The following TRPM3 variants were observed in gnomAD, a reference collection of about 807,000 sequenced individuals.
TRPM3 encodes long transient receptor potential channel 3.
A neutral mutation model predicts 181.2 loss-of-function variants in TRPM3; 77 were observed. The ratio of observed to expected loss-of-function variants is 0.42; its 90% CI spans 0.35 to 0.51. The LOEUF (loss-of-function observed/expected upper bound fraction) is 0.51, where lower values mean the gene tolerates loss of function less well. Among genes scored for constraint, TRPM3 ranks in the 20% least tolerant of loss-of-function variants. The pLI is 0.01. For synonymous variants in TRPM3, 745 were observed against 796.4 expected (o/e 0.94, Z 1.09); for missense variants, 1,759 against 2,196.7 (o/e 0.80, Z 3.98).
At chr9:71,131,651 T>A (rs1168186612) in intron 1 of TRPM3, among the ~76,000 whole-genome samples, 1 of 152,206 alleles carries the variant, frequency 6.6e-6, no homozygotes, top group African/African-American at 2.4e-5. Context: ...GAACACATAC[T>A]GACTCTACAG....
intron 1 of TRPM3, among the ~76,000 whole-genome samples, chr9:71,003,206 A>AAC (rs1554796519): frequency 1.1e-4 from 15 of 142,774 alleles, no homozygotes; most frequent in African/African-American, 3.4e-4. Context: ...AAAAAAAAAA[A>AAC]AAAAACACTT....
At chr9:70,685,361 T>C (rs1271119587) in intron 8 of TRPM3, among the ~76,000 whole-genome samples, 2 of 145,492 alleles carry the variant, frequency 1.4e-5, no homozygotes, top group African/African-American at 5.0e-5. Flanking sequence ...ATCAAAATCA[T>C]GGTCATTTCA....
At chr9:70,871,435 C>A (rs1036005712) in intron 1 of TRPM3, among the ~76,000 whole-genome samples, 1 of 151,656 alleles carries the variant, frequency 6.6e-6, no homozygotes, top group African/African-American at 2.4e-5. Context: ...GTCTTGTTTT[C>A]CCTTTATAAA....
intron 1 of TRPM3, among the ~76,000 whole-genome samples, chr9:71,216,083 C>T (rs2079848228): frequency 6.6e-6 from 1 of 152,158 alleles, no homozygotes; most frequent in African/African-American, 2.4e-5. Context: ...AGAATCTACT[C>T]CTTGACTGTA....
chr9:71,145,265 A>C (rs1160447124), intron 1 of TRPM3, among the ~76,000 whole-genome samples: 1 of 152,172 alleles, frequency 6.6e-6, no homozygotes, highest in Non-Finnish European at 1.5e-5. Flanking sequence ...CTCCATTTGG[A>C]AGTCTAATAG....
At chr9:70,746,863 T>A (rs111863062) in intron 8 of TRPM3, among the ~76,000 whole-genome samples, 3 of 152,258 alleles carry the variant, frequency 2.0e-5, no homozygotes, top group African/African-American at 7.2e-5. Context: ...TGTCTGCTTC[T>A]AGTACTTGGT....
In TRPM3 at chr9:70,876,576, T is replaced by C. The variant is rs528736672; in HGVS notation, c.178-12065A>G. Among the ~76,000 whole-genome samples the C allele has an allele frequency of 7.2e-5, 11 of 151,972 alleles. No individual in the cohort carries two copies. In the East Asian group the frequency reaches 1.4e-3, roughly 19 times the overall value. Reference sequence around the variant, plus strand: ...CAAAGATAGCACAAAAATACAGATTTAGTTTCCAATTTGTTTCTGTTCCAT... The same window carrying C: ...CAAAGATAGCACAAAAATACAGATTCAGTTTCCAATTTGTTTCTGTTCCAT... On this transcript the variant is annotated intron_variant, in intron 1 of 25. Transcript: ENST00000677713.
chr9:70,548,043 C>G (rs756061304), intron 25 of TRPM3, among the ~76,000 whole-genome samples: 25 of 152,180 alleles, frequency 1.6e-4, no homozygotes, highest in Admixed American at 3.3e-4. Context: ...CTCTCTTTCC[C>G]TCCAGGTCTA....
intron 1 of TRPM3, among the ~76,000 whole-genome samples, chr9:71,341,616 C>A (rs1285907729): frequency 1.3e-5 from 2 of 149,610 alleles, no homozygotes; most frequent in Non-Finnish European, 3.0e-5. Flanking sequence ...GACATGAGAA[C>A]TAAATTCAGT....
intron 6 of TRPM3, among the ~76,000 whole-genome samples, chr9:70,822,864 C>A (rs2093294616): frequency 6.6e-6 from 1 of 151,878 alleles, no homozygotes; most frequent in African/African-American, 2.4e-5. Flanking sequence ...AGACTTCTCC[C>A]TAACTGGGTC....
At chr9:70,879,370 A>G (rs553891909) in intron 1 of TRPM3, among the ~76,000 whole-genome samples, 17 of 152,206 alleles carry the variant, frequency 1.1e-4, no homozygotes, top group Non-Finnish European at 2.2e-4. Context: ...ATAGCTTCAG[A>G]GAGGTAGTTG....
intron 1 of TRPM3, among the ~76,000 whole-genome samples, chr9:70,939,677 G>T (rs1292364286): frequency 6.6e-6 from 1 of 152,222 alleles, no homozygotes; most frequent in Non-Finnish European, 1.5e-5. Flanking sequence ...GAAATCTAAA[G>T]GAGAGATAGC....
At chr9:71,317,888 A>T (rs1216125855) in intron 1 of TRPM3, among the ~76,000 whole-genome samples, 1 of 152,266 alleles carries the variant, frequency 6.6e-6, no homozygotes, top group East Asian at 1.9e-4. Flanking sequence ...TTTTGAAATA[A>T]AAACAAAAAT....
At chr9:71,320,891 T>A (rs1467916591) in intron 1 of TRPM3, among the ~76,000 whole-genome samples, 4 of 152,120 alleles carry the variant, frequency 2.6e-5, no homozygotes, top group Admixed American at 2.0e-4. Context: ...CCTATCTCAG[T>A]GAATGATACA....
chr9:70,901,263 T>C (rs1189405246), intron 1 of TRPM3, among the ~76,000 whole-genome samples: 3 of 152,218 alleles, frequency 2.0e-5, no homozygotes, highest in African/African-American at 7.2e-5. Flanking sequence ...ATTGACTTCC[T>C]TGGACACAAG....
intron 1 of TRPM3, among the ~76,000 whole-genome samples, chr9:71,194,215 A>G (rs895102566): frequency 4.0e-5 from 6 of 151,850 alleles, no homozygotes; most frequent in African/African-American, 1.5e-4. Context: ...GGCTCTTTCT[A>G]ATAGTTTAGG....
intron 1 of TRPM3, among the ~76,000 whole-genome samples, chr9:71,266,960 C>CAAA (rs368684991): frequency 8.8e-5 from 11 of 125,446 alleles, no homozygotes; most frequent in African/African-American, 3.2e-4. Context: ...CTTCTCTGGC[C>CAAA]AAAAAAAAAA....
intron 1 of TRPM3, among the ~76,000 whole-genome samples, chr9:71,141,337 T>C (rs922622533): frequency 3.9e-5 from 6 of 152,110 alleles, no homozygotes; most frequent in African/African-American, 4.8e-5. Flanking sequence ...TTTTGAGCTT[T>C]TCAGAAAAAT....
At chr9:70,809,414 T>A (rs34155626) in intron 6 of TRPM3, among the ~76,000 whole-genome samples, 42,005 of 152,100 alleles carry the variant, frequency 0.28, 7,355 homozygotes, top group African/African-American at 0.5. Context: ...CAAGCACCAT[T>A]CATGGTAAGT....
Sources: allele counts gnomAD v4.1 joint callset (sites outside exome capture counted in the v4.1 genomes callset), GRCh38; gene constraint gnomAD v4.1.1; transcripts MANE v1.5; gene names NCBI Gene and HGNC (gene_info 2026-07-23, HGNC 2026-07-21).